GALNTL6: variants seen among roughly 807,000 people sequenced by gnomAD.
The protein encoded by GALNTL6 is polypeptide N-acetylgalactosaminyltransferase like 6.
GALNTL6 carries 46 observed loss-of-function variants against 73.7 expected under a neutral mutation model. The observed-to-expected ratio is 0.62, with a 90% CI of 0.49 to 0.80. GALNTL6 has a LOEUF of 0.80. Ranked by LOEUF, GALNTL6 falls within the 30% of genes least tolerant of loss-of-function variation. The pLI is 0.00. For missense variants in GALNTL6, 604 were observed against 755.0 expected (o/e 0.80, Z 2.34); for synonymous variants, 259 against 263.7 (o/e 0.98, Z 0.17).
At chr4:173,036,567 A>G (rs183643424) in intron 12 of GALNTL6, among the ~76,000 whole-genome samples, 2 of 152,322 alleles carry the variant, frequency 1.3e-5, no homozygotes, top group African/African-American at 4.8e-5. Flanking sequence ...CCTCTCAAGG[A>G]TTTCTAATTT....
chr4:172,943,295 C>G (rs188564335), intron 9 of GALNTL6, among the ~76,000 whole-genome samples: 2 of 152,218 alleles, frequency 1.3e-5, no homozygotes, highest in East Asian at 3.9e-4. Context: ...GTTTGACAGA[C>G]ACTGAGTGAG....
chr4:171,861,729 ATCTT>A (rs954193463), intron 2 of GALNTL6, among the ~76,000 whole-genome samples: 3 of 152,156 alleles, frequency 2.0e-5, no homozygotes, highest in Non-Finnish European at 2.9e-5. Flanking sequence ...GTGTAAATCT[ATCTT>A]CCAAAATAAT....
chr4:172,720,831 T>A (rs890167911), intron 5 of GALNTL6, among the ~76,000 whole-genome samples: 1 of 152,224 alleles, frequency 6.6e-6, no homozygotes, highest in African/African-American at 2.4e-5. Flanking sequence ...TCTACCTTTC[T>A]TATCTAAAGA....
At chr4:172,265,658 A>C (rs928212357) in intron 3 of GALNTL6, among the ~76,000 whole-genome samples, 7 of 152,092 alleles carry the variant, frequency 4.6e-5, no homozygotes, top group Non-Finnish European at 8.8e-5. Context: ...CTTCCAAAGA[A>C]AGAGATCTCC....
rs559321428 is a variant in GALNTL6 at position 172,603,388 on chromosome 4, G to A, written c.554-205973G>A. 5.5e-4 allele frequency among the ~76,000 whole-genome samples: 83 copies of A among 152,234 alleles called. 1 individual carries two copies. The South Asian group carries it at 0.016, about 29-fold the overall frequency. ...AGCATGTCACATGTGAGGCCATACC[G>A]TCCCACAGGCAGGCCATTTTACCAA... On this transcript the variant is annotated intron_variant, in intron 5 of 12. Transcript: ENST00000506823.
chr4:172,904,001 T>C (rs1746756166), intron 8 of GALNTL6, among the ~76,000 whole-genome samples: 1 of 152,176 alleles, frequency 6.6e-6, no homozygotes, highest in Admixed American at 6.6e-5. Flanking sequence ...TGCACATCTA[T>C]TTTGACAGCA....
chr4:172,142,245 T>C (rs1466324251), intron 2 of GALNTL6, among the ~76,000 whole-genome samples: 1 of 152,080 alleles, frequency 6.6e-6, no homozygotes, highest in Non-Finnish European at 1.5e-5. Flanking sequence ...TAGAAACAAC[T>C]GAAGCACATA....
At chr4:172,056,191 A>G (rs1423606253) in intron 2 of GALNTL6, among the ~76,000 whole-genome samples, 1 of 152,180 alleles carries the variant, frequency 6.6e-6, no homozygotes, top group Non-Finnish European at 1.5e-5. Context: ...CATAATATTT[A>G]TCGCTTATGT....
intron 4 of GALNTL6, among the ~76,000 whole-genome samples, chr4:172,322,260 A>T (rs1020894954): frequency 2.0e-5 from 3 of 152,142 alleles, no homozygotes; most frequent in African/African-American, 7.2e-5. Flanking sequence ...TGCCTGCTCT[A>T]AAACTTTTTA....
chr4:173,016,769 G>A (rs1264010219), intron 11 of GALNTL6, among the ~76,000 whole-genome samples: 2 of 152,164 alleles, frequency 1.3e-5, no homozygotes, highest in South Asian at 2.1e-4. Flanking sequence ...GGGGACTATT[G>A]GAAGGGCATG....
intron 5 of GALNTL6, among the ~76,000 whole-genome samples, chr4:172,673,028 C>T (rs549521844): frequency 5.3e-5 from 8 of 152,022 alleles, no homozygotes; most frequent in Non-Finnish European, 1.0e-4. Flanking sequence ...TCCTTCAGTT[C>T]AGCTCTGATT....
intron 5 of GALNTL6, among the ~76,000 whole-genome samples, chr4:172,413,825 T>C (rs1257729034): frequency 6.6e-6 from 1 of 152,130 alleles, no homozygotes; most frequent in African/African-American, 2.4e-5. Flanking sequence ...AATTTCACTG[T>C]TTTTCTTAAG....
chr4:172,213,397 C>T lies in GALNTL6; in HGVS notation c.139-16259C>T, dbSNP rs533952197. On this transcript the variant is annotated intron_variant, in intron 2 of 12. Coordinates refer to ENST00000506823, the MANE Select transcript of GALNTL6 (RefSeq NM_001034845.3). ...TGTCTATCAGCAATAAAGGAGAATTCCTGTTGCTTTACGTCCTCCCTAGCA... is the reference window on the plus strand; with the variant it reads ...TGTCTATCAGCAATAAAGGAGAATTTCTGTTGCTTTACGTCCTCCCTAGCA... Among the ~76,000 whole-genome samples, 49 of 152,242 alleles carry T rather than the reference C, an allele frequency of 3.2e-4. No individual in the cohort carries two copies. In the South Asian group the frequency reaches 0.01, roughly 32 times the overall value.
chr4:173,012,865 C>T (rs1579780872), intron 11 of GALNTL6, among the ~76,000 whole-genome samples: 1 of 152,288 alleles, frequency 6.6e-6, no homozygotes, highest in East Asian at 1.9e-4. Flanking sequence ...TGGCTGGGCA[C>T]GGTGACTCGC....
At chr4:172,253,641 A>G (rs1737957081) in intron 3 of GALNTL6, among the ~76,000 whole-genome samples, 1 of 151,948 alleles carries the variant, frequency 6.6e-6, no homozygotes, top group Admixed American at 6.6e-5. Flanking sequence ...GTCATTCTGC[A>G]AGCTTGTATG....
chr4:172,559,971 A>G (rs1249585623), intron 5 of GALNTL6, among the ~76,000 whole-genome samples: 2 of 152,226 alleles, frequency 1.3e-5, no homozygotes, highest in East Asian at 3.8e-4. Flanking sequence ...ATATAAGACA[A>G]TTAATTCCAG....
intron 11 of GALNTL6, among the ~76,000 whole-genome samples, chr4:173,015,312 GA>G (rs1752735818): frequency 6.6e-6 from 1 of 152,218 alleles, no homozygotes; most frequent in Non-Finnish European, 1.5e-5. Flanking sequence ...AGCAACTGTG[GA>G]ACTGGGTAAC....
chr4:172,106,895 T>C (rs1355463216), intron 2 of GALNTL6, among the ~76,000 whole-genome samples: 1 of 152,236 alleles, frequency 6.6e-6, no homozygotes, highest in African/African-American at 2.4e-5. Flanking sequence ...GTTTTTGAGA[T>C]GGAGTTTCAC....
At chr4:171,935,152 TCCAGTTAGATTTATAA>T (rs1003292675) in intron 2 of GALNTL6, among the ~76,000 whole-genome samples, 6 of 152,264 alleles carry the variant, frequency 3.9e-5, no homozygotes, top group Non-Finnish European at 7.4e-5. Flanking sequence ...CCGGACAGGT[TCCAGTTAGATTTATAA>T]CCCTAAATTT....
Sources: allele counts gnomAD v4.1 joint callset (sites outside exome capture counted in the v4.1 genomes callset), GRCh38; gene constraint gnomAD v4.1.1; transcripts MANE v1.5; gene names NCBI Gene and HGNC (gene_info 2026-07-23, HGNC 2026-07-21).